The following CACNB2 variants were observed in gnomAD, a reference collection of about 807,000 sequenced individuals.
The protein encoded by CACNB2 is calcium voltage-gated channel auxiliary subunit beta 2, also known as voltage-dependent L-type calcium channel subunit beta-2.
A neutral mutation model predicts 73.3 loss-of-function variants in CACNB2; 42 were observed. The ratio of observed to expected loss-of-function variants is 0.57; its 90% CI spans 0.45 to 0.74. CACNB2 has a LOEUF of 0.74. Ranked by LOEUF, CACNB2 falls within the 30% of genes least tolerant of loss-of-function variation. The probability of loss-of-function intolerance (pLI) is 0.00; values close to 1 mark genes in which losing one functional copy is unlikely to be tolerated. For missense variants in CACNB2, 940 were observed against 853.0 expected, an observed-to-expected ratio of 1.10 and a Z score of -1.27; for synonymous variants, 348 against 310.3, an observed-to-expected ratio of 1.12 and a Z score of -1.28.
chr10:18,483,939 C>T lies in CACNB2; in HGVS notation c.334-14416C>T, dbSNP rs551415921. On this transcript the variant is annotated intron_variant, in intron 3 of 13. Transcript: ENST00000324631. ...AGAATACAATTACTGAGTGGAACCG[C>T]GGTGACAAAAGCGAAAACAACTCAG... Among the ~76,000 whole-genome samples the T allele has an allele frequency of 3.3e-5, 5 of 152,202 alleles. No individual in the cohort carries two copies. The East Asian group carries it at 5.8e-4, about 18-fold the overall frequency.
At chr10:18,238,000 C>T (rs1050680359) in intron 2 of CACNB2, among the ~76,000 whole-genome samples, 1 of 152,184 alleles carries the variant, frequency 6.6e-6, no homozygotes, top group African/African-American at 2.4e-5. Flanking sequence ...CTCTCTGTAG[C>T]GTGGAGCATA....
chr10:18,166,862 T>G (rs1486462428), intron 2 of CACNB2, among the ~76,000 whole-genome samples: 2 of 152,210 alleles, frequency 1.3e-5, no homozygotes, highest in Non-Finnish European at 2.9e-5. Flanking sequence ...TCCTGCACGT[T>G]GTGCACGTGT....
chr10:18,242,174 A>G (rs1243307531), intron 2 of CACNB2, among the ~76,000 whole-genome samples: 1 of 151,952 alleles, frequency 6.6e-6, no homozygotes, highest in Non-Finnish European at 1.5e-5. Context: ...TGAATGTCCT[A>G]TTATAAATTG....
In CACNB2 at chr10:18,527,617, T is replaced by C. The variant is rs1331053499; in HGVS notation, c.974T>C (p.Ile325Thr). The part of the protein sequence containing the change: ...RISITRVTAD[I>T]SLAKRSVLNN... ...TCCATCACAAGGGTCACCGCTGACA[T>C]CTCGCTTGCCAAACGCTCGGTATTA... Residue 325 changes from isoleucine to threonine, a missense_variant, in exon 10 of 14, where the codon ATC (isoleucine) becomes ACC (threonine). Physicochemically the swap from Ile to Thr is moderately conservative, Grantham distance 89 (BLOSUM62 -1). Transcript: ENST00000324631. The C allele has an allele frequency of 1.2e-6, 2 of 1,613,886 alleles. No homozygotes were observed. Among genetic ancestry groups the C allele is most frequent in the Non-Finnish European group, 1.7e-6 (2 of 1,179,910 alleles).
intron 4 of CACNB2, among the ~76,000 whole-genome samples, chr10:18,499,177 A>G (rs1589555942): frequency 6.6e-6 from 1 of 152,276 alleles, no homozygotes; most frequent in South Asian, 2.1e-4. Flanking sequence ...TCAGTGTGTG[A>G]TCCTGAGGTT....
At chr10:18,393,549 A>T (rs1464475517) in intron 2 of CACNB2, among the ~76,000 whole-genome samples, 1 of 152,170 alleles carries the variant, frequency 6.6e-6, no homozygotes, top group Non-Finnish European at 1.5e-5. Flanking sequence ...CTTCTTGCCT[A>T]CTATTTGTAC....
intron 2 of CACNB2, among the ~76,000 whole-genome samples, chr10:18,382,920 G>C (rs1424748444): frequency 6.6e-6 from 1 of 152,104 alleles, no homozygotes; most frequent in Admixed American, 6.5e-5. Context: ...TGGGATTGCT[G>C]GGTTAAATGG....
At chr10:18,357,238 C>T (rs1303476528) in intron 2 of CACNB2, among the ~76,000 whole-genome samples, 3 of 152,018 alleles carry the variant, frequency 2.0e-5, no homozygotes, top group Admixed American at 6.5e-5. Flanking sequence ...CCACCGCGCC[C>T]GGCTGACTCA....
At position 18,514,372 on chromosome 10, in the gene CACNB2, A is replaced by G; in HGVS notation, c.804+3A>G. 1 of 1,614,184 alleles carries G rather than the reference A, an allele frequency of 6.2e-7. No individual in the cohort carries two copies. Among genetic ancestry groups the G allele is most frequent in the Non-Finnish European group, 8.5e-7 (1 of 1,180,020 alleles). ...AAAGAATGCCCTTCTTTAAGAAGGT[A>G]ACATTAACTTCCAAGCTCCCATTGT... On this transcript the variant is annotated splice_donor_region_variant and intron_variant, in intron 7 of 13. Transcript: ENST00000324631.
At chr10:18,179,223 G>A (rs970108736) in intron 2 of CACNB2, among the ~76,000 whole-genome samples, 2 of 152,118 alleles carry the variant, frequency 1.3e-5, no homozygotes, top group Admixed American at 6.5e-5. Context: ...AAACATATAT[G>A]AGGAAGTCTG....
At position 18,254,094 on chromosome 10, in the gene CACNB2, T is replaced by C. The variant is rs147097977; in HGVS notation, c.213+103119T>C. Among the ~76,000 whole-genome samples, 99 of 152,316 alleles carry C rather than the reference T, an allele frequency of 6.5e-4. 1 individual carries two copies. The highest frequency in any genetic ancestry group is 2.1e-3 in the African/African-American group (89 of 41,564). ...GAAAGCATAGGTCCTCAAATGGCTT[T>C]GGTTATGAGAGAATCAGGGAGGAAA... is the stretch of plus-strand genomic sequence containing the variant. On this transcript the variant is annotated intron_variant, in intron 2 of 13. Transcript: ENST00000324631.
chr10:18,172,722 G>A (rs1419852319), intron 2 of CACNB2, among the ~76,000 whole-genome samples: 1 of 152,014 alleles, frequency 6.6e-6, no homozygotes, highest in Non-Finnish European at 1.5e-5. Context: ...TCAGTGGATG[G>A]TGTAGCTAAT....
At chr10:18,506,327 C>G (rs879296146) in intron 5 of CACNB2, 144 bp from the exon 6 acceptor site, 1 of 665,366 alleles carries the variant, frequency 1.5e-6, no homozygotes, top group African/African-American at 1.8e-5. Context: ...GGAATCTCCA[C>G]TGGGAAATAT....
intron 3 of CACNB2, among the ~76,000 whole-genome samples, chr10:18,455,068 C>G (rs1033729208): frequency 6.7e-5 from 10 of 149,438 alleles, no homozygotes; most frequent in African/African-American, 2.2e-4. Flanking sequence ...GGTATTCGTA[C>G]TCATTGACGT....
At chr10:18,511,495 A>G (rs1008185505) in intron 6 of CACNB2, among the ~76,000 whole-genome samples, 1 of 152,252 alleles carries the variant, frequency 6.6e-6, no homozygotes, top group Non-Finnish European at 1.5e-5. Flanking sequence ...TGAGCAGTTC[A>G]GCTTGTGTAT....
At chr10:18,336,371 C>T (rs540068477) in intron 2 of CACNB2, among the ~76,000 whole-genome samples, 2 of 152,304 alleles carry the variant, frequency 1.3e-5, no homozygotes, top group South Asian at 4.1e-4. Flanking sequence ...TGTAATCCCA[C>T]ACTTTGGGAG....
At chr10:18,490,011 G>C (rs2049317103) in intron 3 of CACNB2, among the ~76,000 whole-genome samples, 1 of 152,042 alleles carries the variant, frequency 6.6e-6, no homozygotes, top group Non-Finnish European at 1.5e-5. Flanking sequence ...TTGAGTAGCT[G>C]GGACCACAGG....
At chr10:18,243,256 C>G (rs757062352) in intron 2 of CACNB2, among the ~76,000 whole-genome samples, 4 of 151,666 alleles carry the variant, frequency 2.6e-5, no homozygotes, top group African/African-American at 9.7e-5. Context: ...TAAATTTGAT[C>G]AAGAATAAAT....
chr10:18,232,273 G>C (rs770823011), intron 2 of CACNB2, among the ~76,000 whole-genome samples: 13 of 152,026 alleles, frequency 8.6e-5, no homozygotes, highest in Non-Finnish European at 1.6e-4. Context: ...CTATTCACTA[G>C]ATCATTAATT....
Sources: gnomAD v4.1 joint callset for allele counts (sites outside exome capture counted in the v4.1 genomes callset) on GRCh38, gnomAD v4.1.1 for gene constraint, MANE v1.5 for transcripts, NCBI Gene and HGNC (gene_info 2026-07-23, HGNC 2026-07-21) for gene names.